CNTNAP5: variants seen among roughly 807,000 people sequenced by gnomAD.
The protein encoded by CNTNAP5 is contactin-associated protein-like 5.
A neutral mutation model predicts 150.2 loss-of-function variants in CNTNAP5; 72 were observed. The observed-to-expected ratio is 0.48, with a 90% CI of 0.40 to 0.58. The LOEUF (loss-of-function observed/expected upper bound fraction) is 0.58. Among genes scored for constraint, CNTNAP5 ranks in the 20% least tolerant of loss-of-function variants. The probability of loss-of-function intolerance (pLI) is 0.00; values close to 1 mark genes in which losing one functional copy is unlikely to be tolerated. For synonymous variants in CNTNAP5, 672 were observed against 619.8 expected, an observed-to-expected ratio of 1.08 and a Z score of -1.25; for missense variants, 1,636 against 1,626.2, an observed-to-expected ratio of 1.01 and a Z score of -0.10.
intron 10 of CNTNAP5, among the ~76,000 whole-genome samples, chr2:124,536,783 G>T (rs962923352): frequency 1.3e-5 from 2 of 152,014 alleles, no homozygotes; most frequent in South Asian, 2.1e-4. Context: ...GTCAAGGAGG[G>T]GTGCTCCAAG....
chr2:124,568,404 C>A (rs574322501), intron 11 of CNTNAP5, among the ~76,000 whole-genome samples: 1 of 152,124 alleles, frequency 6.6e-6, no homozygotes, highest in African/African-American at 2.4e-5. Context: ...TGGGACAATG[C>A]AGAACTTGCC....
intron 3 of CNTNAP5, among the ~76,000 whole-genome samples, chr2:124,388,374 C>T (rs77163960): frequency 6.6e-6 from 1 of 152,172 alleles, no homozygotes; most frequent in African/African-American, 2.4e-5. Context: ...TGATGCCACT[C>T]CAGAAAGGCA....
intron 13 of CNTNAP5, among the ~76,000 whole-genome samples, chr2:124,731,963 C>T (rs74390515): frequency 0.035 from 5,290 of 152,034 alleles, 323 homozygotes; most frequent in African/African-American, 0.12. Flanking sequence ...ACCCTCCTTC[C>T]ATTTAGGTCT....
intron 11 of CNTNAP5, among the ~76,000 whole-genome samples, chr2:124,581,280 C>A (rs1231687794): frequency 6.6e-6 from 1 of 152,144 alleles, no homozygotes; most frequent in African/African-American, 2.4e-5. Flanking sequence ...AAATTAAAAT[C>A]ATGCCAAGGT....
intron 1 of CNTNAP5, among the ~76,000 whole-genome samples, chr2:124,049,131 T>C (rs1238971163): frequency 2.0e-5 from 3 of 152,214 alleles, no homozygotes; most frequent in Admixed American, 2.0e-4. Flanking sequence ...CAGGGCTTTT[T>C]GCTTTATCAC....
At chr2:124,316,527 C>A (rs112729456) in intron 3 of CNTNAP5, among the ~76,000 whole-genome samples, 1 of 151,990 alleles carries the variant, frequency 6.6e-6, no homozygotes, top group Non-Finnish European at 1.5e-5. Flanking sequence ...CTCTCACAGC[C>A]GGGCACGGTG....
At chr2:124,767,164 A>C (rs1435352652) in intron 16 of CNTNAP5, among the ~76,000 whole-genome samples, 1 of 152,184 alleles carries the variant, frequency 6.6e-6, no homozygotes, top group Non-Finnish European at 1.5e-5. Context: ...TAACAGATGC[A>C]GTGGCTCAGA....
chr2:124,237,236 CTT>C (rs1379395859), intron 2 of CNTNAP5, among the ~76,000 whole-genome samples: 1 of 152,170 alleles, frequency 6.6e-6, no homozygotes, highest in Non-Finnish European at 1.5e-5. Context: ...AATGTACTCT[CTT>C]TTTTTGAAAG....
intron 1 of CNTNAP5, among the ~76,000 whole-genome samples, chr2:124,119,366 T>A (rs980958166): frequency 2.0e-5 from 3 of 151,490 alleles, no homozygotes; most frequent in Non-Finnish European, 3.0e-5. Flanking sequence ...AGGAAGCTTT[T>A]TTTTTTTTTT....
intron 3 of CNTNAP5, among the ~76,000 whole-genome samples, chr2:124,376,805 T>TC (rs1199699404): frequency 2.0e-5 from 3 of 152,120 alleles, no homozygotes; most frequent in African/African-American, 7.2e-5. Flanking sequence ...TACCTTTTTT[T>TC]CTTTTAAGCT....
chr2:124,426,005 C>T (rs540624789), intron 4 of CNTNAP5, among the ~76,000 whole-genome samples: 1 of 152,110 alleles, frequency 6.6e-6, no homozygotes, highest in African/African-American at 2.4e-5. Context: ...ATTTTAAGTG[C>T]ACCCCGAAAG....
At chr2:124,106,062 T>C (rs1380382441) in intron 1 of CNTNAP5, among the ~76,000 whole-genome samples, 1 of 152,212 alleles carries the variant, frequency 6.6e-6, no homozygotes, top group Non-Finnish European at 1.5e-5. Flanking sequence ...TATTTCTGTG[T>C]ATTTCTCCAG....
At chr2:124,587,622 C>T (rs948310729) in intron 11 of CNTNAP5, among the ~76,000 whole-genome samples, 3 of 152,058 alleles carry the variant, frequency 2.0e-5, no homozygotes, top group South Asian at 2.1e-4. Context: ...ATAGTCTCCT[C>T]GTCTTTTGGG....
At chr2:124,687,095 G>C (rs1679208541) in intron 13 of CNTNAP5, among the ~76,000 whole-genome samples, 1 of 152,052 alleles carries the variant, frequency 6.6e-6, no homozygotes, top group South Asian at 2.1e-4. Context: ...GTTCCTTCTA[G>C]GTTTGGCGTG....
chr2:124,679,965 C>T (rs1022066025), intron 13 of CNTNAP5, among the ~76,000 whole-genome samples: 5 of 151,670 alleles, frequency 3.3e-5, no homozygotes, highest in African/African-American at 9.7e-5. Flanking sequence ...GTTCGAGACC[C>T]CCGCCCCCAC....
At chr2:124,325,134 T>C (rs1363329024) in intron 3 of CNTNAP5, among the ~76,000 whole-genome samples, 3 of 152,158 alleles carry the variant, frequency 2.0e-5, no homozygotes, top group South Asian at 2.1e-4. Context: ...CCTTCATGAA[T>C]GGGATTAGTG....
intron 21 of CNTNAP5, among the ~76,000 whole-genome samples, chr2:124,895,910 A>G (rs1242714929): frequency 2.0e-5 from 3 of 151,566 alleles, no homozygotes; most frequent in Non-Finnish European, 4.4e-5. Flanking sequence ...AGCCTGTCAT[A>G]CAATGCTTGG....
intron 12 of CNTNAP5, among the ~76,000 whole-genome samples, chr2:124,626,372 AC>A (rs1171867373): frequency 2.0e-5 from 3 of 152,164 alleles, no homozygotes. Flanking sequence ...CAACTGAGGT[AC>A]CCAGTTCATC....
intron 1 of CNTNAP5, among the ~76,000 whole-genome samples, chr2:124,098,882 C>T (rs768902237): frequency 3.3e-5 from 5 of 152,142 alleles, no homozygotes; most frequent in African/African-American, 4.8e-5. Context: ...GAAATTGATC[C>T]TGTGGACGCA....
Sources: gnomAD v4.1 joint callset for allele counts (sites outside exome capture counted in the v4.1 genomes callset) on GRCh38, gnomAD v4.1.1 for gene constraint, MANE v1.5 for transcripts, NCBI Gene and HGNC (gene_info 2026-07-23, HGNC 2026-07-21) for gene names.